Variants in ABCA10 observed in about 807,000 individuals in gnomAD.
ABCA10 encodes ATP binding cassette subfamily A member 10.
A neutral mutation model predicts 187.5 loss-of-function variants in ABCA10; 169 were observed. That is an observed-to-expected ratio of 0.90 (90% confidence interval 0.80 to 1.02). ABCA10 has a LOEUF of 1.02. ABCA10 is among the 50% of genes least tolerant of loss of function. ABCA10 has a pLI of 0.00. For synonymous variants in ABCA10, 574 were observed against 601.8 expected (o/e 0.95, Z 0.68); for missense variants, 1,727 against 1,812.4 (o/e 0.95, Z 0.86).
At chr17:69,237,282 A>G (rs550147317) in intron 1 of ABCA10, among the ~76,000 whole-genome samples, 12 of 152,346 alleles carry the variant, frequency 7.9e-5, no homozygotes, top group African/African-American at 2.9e-4. Flanking sequence ...TTCCAGATCA[A>G]TGCAAAATGT....
At chr17:69,242,829 G>A (rs2074913085) in intron 1 of ABCA10, among the ~76,000 whole-genome samples, 1 of 152,118 alleles carries the variant, frequency 6.6e-6, no homozygotes, top group Admixed American at 6.5e-5. Context: ...CATGAATTTG[G>A]ATGAAACGTA....
chr17:69,154,418 GACT>G, intron 30 of ABCA10, 92 bp from the exon 31 acceptor site: 1 of 639,232 alleles, frequency 1.6e-6, no homozygotes, highest in East Asian at 3.6e-5. Context: ...GAAACAAAAT[GACT>G]TTTTTTTTTT....
intron 36 of ABCA10, 109 bp downstream of exon 36, chr17:69,151,934 G>A: frequency 6.1e-6 from 9 of 1,465,460 alleles, no homozygotes; most frequent in Non-Finnish European, 8.2e-6. Context: ...GTTTTGTGAT[G>A]AATAAGTCCA....
intron 3 of ABCA10, among the ~76,000 whole-genome samples, chr17:69,224,929 T>C (rs1007486539): frequency 1.8e-4 from 28 of 152,258 alleles, no homozygotes; most frequent in African/African-American, 6.0e-4. Context: ...TCAATCTCAA[T>C]TGAAAATAAT....
At position 69,165,003 on chromosome 17, in the gene ABCA10, A is replaced by C; in HGVS notation, c.3243T>G (p.Pro1081=). ...LNLILCMIFI[P]SFTLLGYVML... is the part of the protein sequence containing the mutation. The stretch of plus-strand genomic sequence containing the variant: ...TGACATACCCCAGCAAAGTGAAGGA[A>C]GGTATGAAAATCATGCACAAAATTA... The change falls in exon 26 of 39, where the codon CCT becomes CCG. Residue 1081 remains proline, a synonymous_variant. Transcript: ENST00000690296. 1 of 1,613,324 alleles carries C rather than the reference A, an allele frequency of 6.2e-7. No individual in the cohort carries two copies. The highest frequency in any genetic ancestry group is 8.5e-7 in the Non-Finnish European group (1 of 1,179,426).
Position 69,153,936 on chromosome 17 carries a change from G to A in ABCA10, c.3860C>T (p.Pro1287Leu). Residue 1287 changes from proline to leucine, a missense_variant, in exon 32 of 39, where the codon CCT (proline) becomes CTT (leucine). Physicochemically the swap from Pro to Leu is moderately conservative, Grantham distance 98 (BLOSUM62 -3). Coordinates refer to ENST00000690296, the MANE Select transcript of ABCA10 (RefSeq NM_001377321.1). ...DNSLKFLGYC[P>L]QENSLWPKLT... ...CTTGGGCCACAGTGAGTTCTCCTGA[G>A]GGCAGTACCCCAAGAACTTGAGGCT... 2 of 1,614,046 alleles carry A rather than the reference G, an allele frequency of 1.2e-6. No individual in the cohort carries two copies. The highest frequency in any genetic ancestry group is 1.7e-6 in the Non-Finnish European group (2 of 1,179,986).
rs375198427 is a variant in ABCA10 at position 69,182,505 on chromosome 17, GA to G, written c.2631+169del. ...GAAATGGATTAACATTTACTAACAT[GA>G]AAAGATGTCAAATATTTATATTTTA... On this transcript the variant is annotated intron_variant, in intron 21 of 38. Coordinates refer to ENST00000690296, the MANE Select transcript of ABCA10 (RefSeq NM_001377321.1). Among the ~76,000 whole-genome samples the G allele has an allele frequency of 1.1e-4, 17 of 152,050 alleles. No homozygotes were observed. In the East Asian group the frequency reaches 3.3e-3, roughly 29 times the overall value.
chr17:69,154,421 T>TAA, intron 30 of ABCA10, 95 bp from the exon 31 acceptor site: 1 of 12,136 alleles, frequency 8.2e-5, no homozygotes, highest in Non-Finnish European at 1.7e-4. Flanking sequence ...ACAAAATGAC[T>TAA]TTTTTTTTTT....
chr17:69,205,933 G>A (rs1021806521), intron 9 of ABCA10, among the ~76,000 whole-genome samples: 1 of 152,158 alleles, frequency 6.6e-6, no homozygotes, highest in Admixed American at 6.5e-5. Context: ...CTCTCAGTTC[G>A]ATGTAAAACT....
In ABCA10 at chr17:69,214,792, T is replaced by G; in HGVS notation, c.918A>C (p.Ser306=). 1 of 1,510,044 alleles carries G rather than the reference T, an allele frequency of 6.6e-7. No homozygotes were observed. The highest frequency in any genetic ancestry group is 1.5e-5 in the African/African-American group (1 of 67,954). The allele number at this position is 1,510,044 out of a possible 1,614,324, so 93.5% of individuals were successfully genotyped here. The change falls in exon 9 of 39, where the codon TCA becomes TCC. Residue 306 remains serine (S), a synonymous_variant. Coordinates refer to ENST00000690296, the MANE Select transcript of ABCA10 (RefSeq NM_001377321.1). The stretch of plus-strand genomic sequence containing the variant: ...TGAAAAAAGTGGCTATCATTTTGTA[T>G]GAATCCCCAGAGGGATCAGGAAAAA... The part of the protein sequence containing the change: ...GVIFPDPSGD[S]YKMIATFFIL...
chr17:69,160,722 C>A (rs533024837), intron 27 of ABCA10, among the ~76,000 whole-genome samples: 1 of 152,042 alleles, frequency 6.6e-6, no homozygotes, highest in African/African-American at 2.4e-5. Context: ...AATGGCATAC[C>A]ACCTCACATC....
At chr17:69,211,327 A>G (rs1251401442) in intron 9 of ABCA10, among the ~76,000 whole-genome samples, 5,268 of 32,884 alleles carry the variant, frequency 0.16, 252 homozygotes, top group African/African-American at 0.24. Flanking sequence ...ATATATATAT[A>G]TATATATATA....
chr17:69,195,078 T>C (rs978138821), intron 11 of ABCA10, among the ~76,000 whole-genome samples: 2 of 152,332 alleles, frequency 1.3e-5, no homozygotes, highest in Admixed American at 6.5e-5. Context: ...TTCACATATA[T>C]GTGCCTAAGG....
chr17:69,241,069 A>G (rs185970502), intron 1 of ABCA10, among the ~76,000 whole-genome samples: 124 of 152,266 alleles, frequency 8.1e-4, no homozygotes, highest in African/African-American at 2.9e-3. Flanking sequence ...AACTTAACAA[A>G]TACAAAACTG....
Position 69,155,036 on chromosome 17 carries a change from G to A in ABCA10, c.3677C>T (p.Ser1226Phe). The A allele has an allele frequency of 6.3e-7, 1 of 1,596,694 alleles. No individual in the cohort carries two copies. Among genetic ancestry groups the A allele is most frequent in the Non-Finnish European group, 8.6e-7 (1 of 1,165,848 alleles). Residue 1226 changes from serine (S) to phenylalanine (F), a missense_variant, in exon 30 of 39, where the codon TCC (serine) becomes TTC (phenylalanine). Ser to Phe is a radical substitution (Grantham distance 155). Transcript: ENST00000690296. ...GTTCAAACCTTTTTTAACACAAAAG[G>A]AAACATTTCTGATGGCTATTTTCTT... is the stretch of plus-strand genomic sequence containing the variant. ...RKKKIAIRNV[S>F]FCVKKGEVLG... is the part of the protein sequence containing the mutation.
intron 9 of ABCA10, among the ~76,000 whole-genome samples, chr17:69,209,306 A>C (rs550426962): frequency 4.6e-4 from 66 of 142,644 alleles, no homozygotes; most frequent in Non-Finnish European, 7.9e-5. Context: ...TCAAAAGAAG[A>C]AACTTTATCT....
chr17:69,191,703 ATG>A (rs2074461538), intron 16 of ABCA10, among the ~76,000 whole-genome samples: 1 of 152,228 alleles, frequency 6.6e-6, no homozygotes, highest in Non-Finnish European at 1.5e-5. Context: ...ATTGTGCTAC[ATG>A]TGTGATATAC....
In ABCA10 at chr17:69,191,334, C is replaced by A. The variant is rs373426340; in HGVS notation, c.1872-19G>T. ...GTGTAAACTATTATTTCAAAAGAGC[C>A]ATAAGTCTCTTGAATTCTTTTCCAA... is the stretch of plus-strand genomic sequence containing the variant. On this transcript the variant is annotated intron_variant, in intron 16 of 38. Coordinates refer to ENST00000690296, the MANE Select transcript of ABCA10 (RefSeq NM_001377321.1). 38 of 1,510,636 alleles carry A rather than the reference C, an allele frequency of 2.5e-5. No individual in the cohort carries two copies. The highest frequency in any genetic ancestry group is 3.3e-5 in the Non-Finnish European group (37 of 1,123,128). The allele number at this position is 1,510,636 out of a possible 1,614,324, so 93.6% of individuals were successfully genotyped here.
intron 27 of ABCA10, among the ~76,000 whole-genome samples, chr17:69,162,832 CATATACAT>C (rs1200385141): frequency 2.6e-3 from 164 of 64,008 alleles, no homozygotes; most frequent in African/African-American, 0.012. Context: ...TATACATATA[CATATACAT>C]ATATATATAT....
Sources: gnomAD v4.1 joint callset for allele counts (sites outside exome capture counted in the v4.1 genomes callset) on GRCh38, gnomAD v4.1.1 for gene constraint, MANE v1.5 for transcripts, NCBI Gene and HGNC (gene_info 2026-07-23, HGNC 2026-07-21) for gene names.